The following KDM1B variants were observed in gnomAD, a reference collection of about 807,000 sequenced individuals.
KDM1B encodes the protein lysine-specific histone demethylase 2.
KDM1B carries 63 observed loss-of-function variants against 107.4 expected under a neutral mutation model. The ratio of observed to expected loss-of-function variants is 0.59; its 90% CI spans 0.48 to 0.72. The LOEUF is 0.72. KDM1B is among the 30% of genes least tolerant of loss of function. KDM1B has a pLI of 0.00. For synonymous variants in KDM1B, 363 were observed against 363.9 expected, an observed-to-expected ratio of 1.00 and a Z score of 0.03; for missense variants, 749 against 1,020.8, an observed-to-expected ratio of 0.73 and a Z score of 3.63.
chr6:18,186,200 T>G lies in KDM1B; in HGVS notation c.573+390T>G, dbSNP rs139678224. On this transcript the variant is annotated intron_variant, in intron 8 of 21. Transcript: ENST00000650836. This position sits in a 1 kb window ranked among gnomAD's most constrained non-coding sequence, Gnocchi z 5.6. The stretch of plus-strand genomic sequence containing the variant: ...TTGATCGTCTTGGCCTGGATTCAGC[T>G]GCAGGAGTGTTCTTATGCATTCTGA... Among the ~76,000 whole-genome samples the G allele has an allele frequency of 3.3e-5, 5 of 152,294 alleles. No homozygotes were observed. Among genetic ancestry groups the G allele is most frequent in the Non-Finnish European group, 7.4e-5 (5 of 68,020 alleles).
rs1376032479 is a variant in KDM1B at position 18,160,129 on chromosome 6, T to A, written c.87+147T>A. The A allele has an allele frequency of 2.5e-5, 15 of 589,340 alleles. 1 individual carries two copies. In the South Asian group the frequency reaches 3.5e-4, roughly 14 times the overall value. The allele number at this position is 589,340 out of a possible 1,614,324, so 36.5% of individuals were successfully genotyped here. On this transcript the variant is annotated intron_variant, in intron 3 of 21. Transcript: ENST00000650836. ...AATTCTCAGTACGGTCATAACACAG[T>A]GTGATAACATGATAGAATATACAAA...
chr6:18,210,323 T>TC (rs1788734147), intron 17 of KDM1B, among the ~76,000 whole-genome samples: 1 of 134,690 alleles, frequency 7.4e-6, no homozygotes, highest in Non-Finnish European at 1.7e-5. Context: ...CTTTTCTTTC[T>TC]TTTTTTTCTC....
chr6:18,180,160 A>G (rs1786360316), intron 7 of KDM1B, among the ~76,000 whole-genome samples: 1 of 151,718 alleles, frequency 6.6e-6, no homozygotes, highest in African/African-American at 2.4e-5. Flanking sequence ...GAGAAAAGAG[A>G]AAATGGGAAG....
chr6:18,168,258 G>A (rs897209923), intron 6 of KDM1B, among the ~76,000 whole-genome samples: 1 of 152,170 alleles, frequency 6.6e-6, no homozygotes, highest in Admixed American at 6.6e-5. Context: ...CACAAGGGAA[G>A]CCCTAATTCT....
Position 18,214,887 on chromosome 6 carries a change from G to A in KDM1B, c.2110-120G>A. ...ATTGCACCATTGCACTCCAGCCTGGGTGACAGAGCAAAACTCTGTCTCATT... is the reference window on the plus strand; with the variant it reads ...ATTGCACCATTGCACTCCAGCCTGGATGACAGAGCAAAACTCTGTCTCATT... On this transcript the variant is annotated intron_variant, in intron 19 of 21. Coordinates refer to ENST00000650836, the MANE Select transcript of KDM1B (RefSeq NM_001364614.2). This position sits in a 1 kb window ranked among gnomAD's most constrained non-coding sequence, Gnocchi z 4.4. The A allele has an allele frequency of 1.0e-6, 1 of 995,352 alleles. No homozygotes were observed. The highest frequency in any genetic ancestry group is 1.4e-6 in the Non-Finnish European group (1 of 694,680). The allele number at this position is 995,352 out of a possible 1,614,324, so 61.7% of individuals were successfully genotyped here.
At chr6:18,208,768 C>G (rs1331894318) in intron 17 of KDM1B, among the ~76,000 whole-genome samples, 2 of 146,720 alleles carry the variant, frequency 1.4e-5, no homozygotes, top group Non-Finnish European at 3.0e-5. Context: ...CCTCAACCTC[C>G]CAAGTAGCTG....
rs1414183289 is a variant in KDM1B, at chr6:18,211,703, C to T, written c.1867-785C>T. The stretch of plus-strand genomic sequence containing the variant: ...GTCTGGAGCCAGAAATGTCCAATTC[C>T]CAATGTTTGTGATGTGTTTCACTAC... On this transcript the variant is annotated intron_variant, in intron 17 of 21. Coordinates refer to ENST00000650836, the MANE Select transcript of KDM1B (RefSeq NM_001364614.2). The surrounding 1 kb of genome is among the most constrained non-coding windows in gnomAD (Gnocchi z 5.2). 2.6e-5 allele frequency: 4 copies of T among 152,274 alleles called. No homozygotes were observed. The East Asian group carries it at 5.8e-4, about 22-fold the overall frequency. The allele number at this position is 152,274 out of a possible 1,614,324, so 9.4% of individuals were successfully genotyped here. A position where few individuals can be genotyped will look rare whatever the true frequency, so the allele number is the denominator to read the frequency against.
chr6:18,182,013 C>G (rs1330504730), intron 7 of KDM1B, among the ~76,000 whole-genome samples: 1 of 152,042 alleles, frequency 6.6e-6, no homozygotes, highest in East Asian at 1.9e-4. Flanking sequence ...ATTTACTGCT[C>G]TCTGTAATTT....
At chr6:18,171,329 A>G in intron 6 of KDM1B, 34 bp from the exon 7 acceptor site, 1 of 1,028,188 alleles carries the variant, frequency 9.7e-7, no homozygotes. Context: ...AGATTAGCTC[A>G]CTTGTTCATC....
intron 3 of KDM1B, among the ~76,000 whole-genome samples, chr6:18,160,871 A>G (rs961781186): frequency 1.5e-4 from 19 of 128,022 alleles, no homozygotes; most frequent in Non-Finnish European, 1.6e-5. Flanking sequence ...TCTATCCCCC[A>G]GGCTGGAGTA....
In KDM1B at chr6:18,183,258, GTTTTTTT is replaced by G. The variant is rs34558185; in HGVS notation, c.535-2494_535-2488del. On this transcript the variant is annotated intron_variant, in intron 7 of 21. Transcript: ENST00000650836. ...GTAAACAATGTCCTGAATTTTGTGG[GTTTTTTT>G]TTTTTTTTTTTTTTTTTTTGAGACA... Among the ~76,000 whole-genome samples, 4 of 61,472 alleles carry G rather than the reference GTTTTTTT, an allele frequency of 6.5e-5. No individual in the cohort carries two copies. In the South Asian group the frequency reaches 2.3e-3, roughly 35 times the overall value. 40.3% of individuals were successfully genotyped at this position (61,472 alleles called of 152,430 possible). A position where few individuals can be genotyped will look rare whatever the true frequency, so the allele number is the denominator to read the frequency against.
intron 7 of KDM1B, among the ~76,000 whole-genome samples, chr6:18,178,234 C>G (rs962504610): frequency 6.7e-6 from 1 of 149,714 alleles, no homozygotes; most frequent in Non-Finnish European, 1.5e-5. Flanking sequence ...AGGCACCCAC[C>G]ACCACGCCCA....
Position 18,201,397 on chromosome 6 carries a change from A to G in KDM1B, c.1360-89A>G, listed in dbSNP as rs1205075652. On this transcript the variant is annotated intron_variant, in intron 13 of 21. Coordinates refer to ENST00000650836, the MANE Select transcript of KDM1B (RefSeq NM_001364614.2). The surrounding 1 kb of genome is among the most constrained non-coding windows in gnomAD (Gnocchi z 4.3). Reference sequence around the variant, plus strand: ...TGAGAGATATGAGACCATTTTCTCCATGAGAGCTCTGTCTGATTTTCAGCT... The same window carrying G: ...TGAGAGATATGAGACCATTTTCTCCGTGAGAGCTCTGTCTGATTTTCAGCT... The G allele has an allele frequency of 4.3e-6, 4 of 938,056 alleles. No individual in the cohort carries two copies. Among genetic ancestry groups the G allele is most frequent in the African/African-American group, 1.7e-5 (1 of 59,942 alleles). The allele number at this position is 938,056 out of a possible 1,614,324, so 58.1% of individuals were successfully genotyped here.
At chr6:18,216,620 T>C (rs1447789088) in intron 20 of KDM1B, among the ~76,000 whole-genome samples, 1 of 152,188 alleles carries the variant, frequency 6.6e-6, no homozygotes, top group East Asian at 1.9e-4. Context: ...CTGAAAATAT[T>C]TGATGGAAAA....
At chr6:18,196,379 T>G (rs1380677547) in intron 10 of KDM1B, among the ~76,000 whole-genome samples, 18 of 152,208 alleles carry the variant, frequency 1.2e-4, no homozygotes, top group Admixed American at 6.5e-5. Context: ...GTTTTATTTT[T>G]TAGTTTTTTG....
At chr6:18,168,893 A>T (rs1785484923) in intron 6 of KDM1B, among the ~76,000 whole-genome samples, 1 of 152,272 alleles carries the variant, frequency 6.6e-6, no homozygotes, top group South Asian at 2.1e-4. Flanking sequence ...CGTCTTTGAG[A>T]TGGAGTCTTG....
At chr6:18,182,038 C>G (rs1321950503) in intron 7 of KDM1B, among the ~76,000 whole-genome samples, 3 of 151,974 alleles carry the variant, frequency 2.0e-5, no homozygotes, top group African/African-American at 7.3e-5. Flanking sequence ...TACCATAGTT[C>G]CATTTTTTTA....
intron 9 of KDM1B, among the ~76,000 whole-genome samples, chr6:18,188,971 A>G (rs1787085716): frequency 6.6e-6 from 1 of 151,862 alleles, no homozygotes. Flanking sequence ...TTTAGTAGAG[A>G]TGGGGTTTCA....
Position 18,204,227 on chromosome 6 carries a change from G to A in KDM1B, c.1532-1310G>A, listed in dbSNP as rs1321783580. 6.6e-6 allele frequency among the ~76,000 whole-genome samples: 1 copy of A among 152,148 alleles called. No individual in the cohort carries two copies. Among genetic ancestry groups the A allele is most frequent in the African/African-American group, 2.4e-5 (1 of 41,424 alleles). On this transcript the variant is annotated intron_variant, in intron 14 of 21. Coordinates refer to ENST00000650836, the MANE Select transcript of KDM1B (RefSeq NM_001364614.2). This position sits in a 1 kb window ranked among gnomAD's most constrained non-coding sequence, Gnocchi z 4.9. ...CTCTGTTAAACTTGGGATTACACCT[G>A]TAATCCCAGCACTTCGGGAGGCTGA...
Sources: allele counts gnomAD v4.1 joint callset (sites outside exome capture counted in the v4.1 genomes callset), GRCh38; gene constraint gnomAD v4.1.1; non-coding constraint Gnocchi (gnomAD v3.1); transcripts MANE v1.5; gene names NCBI Gene and HGNC (gene_info 2026-07-23, HGNC 2026-07-21).